The following BICC1 variants were observed in gnomAD, a reference collection of about 807,000 sequenced individuals.
BICC1 encodes the protein BicC family RNA binding protein 1, also known as protein bicaudal C homolog 1.
Under a neutral mutation model 111.0 loss-of-function variants are expected in BICC1, and 43 were observed. The observed-to-expected ratio is 0.39, with a 90% CI of 0.30 to 0.50. The LOEUF (loss-of-function observed/expected upper bound fraction) is 0.50, where lower values mean the gene tolerates loss of function less well. Among genes scored for constraint, BICC1 ranks in the 20% least tolerant of loss-of-function variants. The pLI is 0.88. For synonymous variants in BICC1, 467 were observed against 434.4 expected (o/e 1.07, Z -0.93); for missense variants, 1,091 against 1,203.2 (o/e 0.91, Z 1.38).
intron 3 of BICC1, among the ~76,000 whole-genome samples, chr10:58,768,926 A>G (rs978772088): frequency 1.3e-5 from 2 of 152,170 alleles, no homozygotes; most frequent in Non-Finnish European, 2.9e-5. Context: ...CAAAATGGCA[A>G]TAGTAAGTCC....
At chr10:58,814,200 C>CA in intron 18 of BICC1, 1 of 642,042 alleles carries the variant, frequency 1.6e-6, no homozygotes, top group Non-Finnish European at 2.8e-6. Flanking sequence ...TTCACTCTAG[C>CA]ACTTGCCATA....
intron 2 of BICC1, among the ~76,000 whole-genome samples, chr10:58,675,924 A>G (rs1364933608): frequency 2.0e-5 from 3 of 152,194 alleles, no homozygotes; most frequent in Non-Finnish European, 4.4e-5. Context: ...TGCATTTCCA[A>G]CTGAGGTACC....
chr10:58,814,859 T>TA (rs1564629789), intron 18 of BICC1, among the ~76,000 whole-genome samples: 5 of 152,056 alleles, frequency 3.3e-5, no homozygotes, highest in Non-Finnish European at 7.4e-5. Flanking sequence ...GAAGAAAGAC[T>TA]GTCCAGCGGG....
chr10:58,686,493 C>G (rs972647709), intron 2 of BICC1, among the ~76,000 whole-genome samples: 1 of 152,178 alleles, frequency 6.6e-6, no homozygotes, highest in Non-Finnish European at 1.5e-5. Context: ...CCATCACTTT[C>G]AGGTACACCA....
intron 2 of BICC1, among the ~76,000 whole-genome samples, chr10:58,625,062 CT>C (rs1845945777): frequency 6.6e-6 from 1 of 152,112 alleles, no homozygotes; most frequent in African/African-American, 2.4e-5. Context: ...CAAAGTTATC[CT>C]GTAATAGTAC....
chr10:58,555,640 G>T (rs1266127266), intron 1 of BICC1, among the ~76,000 whole-genome samples: 2 of 152,102 alleles, frequency 1.3e-5, no homozygotes, highest in Non-Finnish European at 2.9e-5. Context: ...TGAAAAATAT[G>T]GGTCACTGAG....
intron 3 of BICC1, among the ~76,000 whole-genome samples, chr10:58,738,282 G>A (rs1039941879): frequency 6.6e-6 from 1 of 152,060 alleles, no homozygotes; most frequent in Non-Finnish European, 1.5e-5. Context: ...GTAAGGAAGG[G>A]ATCCAGTTTC....
At chr10:58,704,306 G>A (rs979998224) in intron 3 of BICC1, among the ~76,000 whole-genome samples, 5 of 152,060 alleles carry the variant, frequency 3.3e-5, no homozygotes, top group Admixed American at 1.3e-4. Flanking sequence ...TATATGATGC[G>A]CAGAATGCAC....
intron 1 of BICC1, among the ~76,000 whole-genome samples, chr10:58,616,085 C>T (rs1588932210): frequency 1.3e-5 from 2 of 152,122 alleles, no homozygotes; most frequent in Admixed American, 1.3e-4. Flanking sequence ...CCTTCAGGTG[C>T]AGGCAGGGTG....
intron 3 of BICC1, among the ~76,000 whole-genome samples, chr10:58,704,647 C>T (rs1446383607): frequency 6.6e-6 from 1 of 152,154 alleles, no homozygotes; most frequent in East Asian, 1.9e-4. Context: ...AGAGCTTTTT[C>T]ATTCCAGACT....
intron 3 of BICC1, among the ~76,000 whole-genome samples, chr10:58,767,866 C>A (rs1842501626): frequency 6.6e-6 from 1 of 151,486 alleles, no homozygotes; most frequent in Non-Finnish European, 1.5e-5. Context: ...TTCGATCAAG[C>A]AGAAGAAAGG....
At chr10:58,798,022 G>A (rs1843413191) in intron 10 of BICC1, among the ~76,000 whole-genome samples, 1 of 152,146 alleles carries the variant, frequency 6.6e-6, no homozygotes, top group African/African-American at 2.4e-5. Context: ...AAAAGGGTTT[G>A]TTTGTAAGCA....
intron 3 of BICC1, among the ~76,000 whole-genome samples, chr10:58,765,385 A>G (rs1842429375): frequency 6.6e-6 from 1 of 152,094 alleles, no homozygotes; most frequent in Non-Finnish European, 1.5e-5. Context: ...AATGTGTGCA[A>G]AGTGGGCTTC....
intron 1 of BICC1, among the ~76,000 whole-genome samples, chr10:58,601,771 C>T (rs1266008926): frequency 6.6e-6 from 1 of 152,024 alleles, no homozygotes; most frequent in African/African-American, 2.4e-5. Context: ...ATTATACAAT[C>T]TTCAACTGAG....
chr10:58,823,912 G>C, intron 20 of BICC1: 1 of 985,224 alleles, frequency 1.0e-6, no homozygotes, highest in Non-Finnish European at 1.2e-6. Context: ...CAAGATACAT[G>C]TATTCAGCTT....
chr10:58,549,659 G>T, intron 1 of BICC1, among the ~76,000 whole-genome samples: 1 of 146,678 alleles, frequency 6.8e-6, no homozygotes, highest in South Asian at 2.2e-4. Flanking sequence ...TTATTGTTGA[G>T]TTTCAAGAAT....
intron 1 of BICC1, among the ~76,000 whole-genome samples, chr10:58,523,580 A>G (rs1006713082): frequency 3.3e-5 from 5 of 152,196 alleles, no homozygotes; most frequent in African/African-American, 1.2e-4. Flanking sequence ...ATCTATGACA[A>G]ACCCACAGCC....
At chr10:58,674,768 G>T (rs1839288293) in intron 2 of BICC1, among the ~76,000 whole-genome samples, 1 of 152,114 alleles carries the variant, frequency 6.6e-6, no homozygotes, top group African/African-American at 2.4e-5. Flanking sequence ...TGGGACAAAA[G>T]GACAGTTTGA....
intron 20 of BICC1, among the ~76,000 whole-genome samples, chr10:58,820,691 A>T (rs766450129): frequency 6.6e-6 from 1 of 152,148 alleles, no homozygotes; most frequent in Non-Finnish European, 1.5e-5. Flanking sequence ...TCATATATGA[A>T]AATAGATCTC....
Sources: allele counts gnomAD v4.1 joint callset (sites outside exome capture counted in the v4.1 genomes callset), GRCh38; gene constraint gnomAD v4.1.1; transcripts MANE v1.5; gene names NCBI Gene and HGNC (gene_info 2026-07-23, HGNC 2026-07-21).